Variants in PPL observed in about 807,000 individuals in gnomAD.
PPL encodes the protein 190 kDa paraneoplastic pemphigus antigen.
A neutral mutation model predicts 194.4 loss-of-function variants in PPL; 198 were observed. The ratio of observed to expected loss-of-function variants is 1.02; its 90% CI spans 0.91 to 1.15. The LOEUF (loss-of-function observed/expected upper bound fraction) is 1.15, where lower values mean the gene tolerates loss of function less well. PPL is among the 50% of genes most tolerant of loss of function. The pLI, the probability that PPL is intolerant of heterozygous loss-of-function variation, is 0.00. For missense variants in PPL, 2,885 were observed against 2,294.8 expected, an observed-to-expected ratio of 1.26 and a Z score of -5.25; for synonymous variants, 1,220 against 972.4, an observed-to-expected ratio of 1.25 and a Z score of -4.74.
At chr16:4,897,795 C>A in intron 8 of PPL, 25 bp from the exon 9 acceptor site, 2 of 1,591,218 alleles carry the variant, frequency 1.3e-6, no homozygotes, top group South Asian at 2.2e-5. Context: ...AGGGGCCGGT[C>A]ACCACTGGGC....
At chr16:4,922,716 G>T (rs1008560122) in intron 1 of PPL, among the ~76,000 whole-genome samples, 4 of 152,096 alleles carry the variant, frequency 2.6e-5, no homozygotes, top group Non-Finnish European at 5.9e-5. Flanking sequence ...AGAAGCCAAG[G>T]CCTGAAGTTA....
At chr16:4,910,484 C>A (rs976715241) in intron 2 of PPL, among the ~76,000 whole-genome samples, 1 of 152,050 alleles carries the variant, frequency 6.6e-6, no homozygotes, top group Non-Finnish European at 1.5e-5. Context: ...AGAGCCTGAC[C>A]CCATGGCACT....
intron 8 of PPL, among the ~76,000 whole-genome samples, chr16:4,897,988 C>T (rs987148497): frequency 3.3e-5 from 5 of 152,158 alleles, no homozygotes; most frequent in African/African-American, 9.7e-5. Flanking sequence ...ATACGGATGC[C>T]CAGGCTGTGC....
intron 2 of PPL, among the ~76,000 whole-genome samples, chr16:4,910,461 G>T (rs1307965456): frequency 6.6e-6 from 1 of 152,142 alleles, no homozygotes; most frequent in Non-Finnish European, 1.5e-5. Context: ...GGACAAGGCT[G>T]GGCTGTTTCC....
chr16:4,905,717 T>C (rs2088668246), intron 2 of PPL, among the ~76,000 whole-genome samples: 2 of 152,198 alleles, frequency 1.3e-5, no homozygotes, highest in East Asian at 1.9e-4. Flanking sequence ...GAAGAAAATG[T>C]GTCAAGAGTG....
chr16:4,911,091 G>A (rs911627924), intron 1 of PPL, 142 bp from the exon 2 acceptor site: 1 of 614,978 alleles, frequency 1.6e-6, no homozygotes, highest in Non-Finnish European at 2.9e-6. Context: ...TAGTTGGGCT[G>A]TTCCCATAGG....
intron 1 of PPL, among the ~76,000 whole-genome samples, chr16:4,922,420 G>T (rs1358223644): frequency 6.6e-6 from 1 of 152,188 alleles, no homozygotes; most frequent in African/African-American, 2.4e-5. Flanking sequence ...CCAGCACTTT[G>T]GGAGGCTGAG....
intron 2 of PPL, among the ~76,000 whole-genome samples, chr16:4,908,447 A>ACG (rs2088749158): frequency 8.1e-5 from 10 of 124,174 alleles, no homozygotes; most frequent in African/African-American, 2.7e-4. Context: ...TCTCTCTCTC[A>ACG]CACACATACA....
intron 19 of PPL, among the ~76,000 whole-genome samples, chr16:4,888,475 C>T (rs1399197877): frequency 1.3e-5 from 2 of 152,196 alleles, no homozygotes; most frequent in Non-Finnish European, 2.9e-5. Context: ...CCCCTCCCAG[C>T]CTTTCTACAT....
At position 4,905,169 on chromosome 16, in the gene PPL, T is replaced by C. The variant is rs554352708; in HGVS notation, c.163-1129A>G. On this transcript the variant is annotated intron_variant, in intron 2 of 21. Transcript: ENST00000345988. ...GCACTCAGAGCCGGCCGCCGGTCCC[T>C]TCCCCTAGCTGGGTCTCAGCATTCC... Among the ~76,000 whole-genome samples, 240 of 152,292 alleles carry C rather than the reference T, an allele frequency of 1.6e-3. 2 individuals carry two copies. The highest frequency in any genetic ancestry group is 1.5e-3 in the Non-Finnish European group (100 of 68,018).
chr16:4,914,061 G>C lies in PPL; in HGVS notation c.63-3112C>G, dbSNP rs561859927. ...TGGTCACTGAAGGCTTCCTGGAGGAGGTGGTGTCGGCTGGGTGCTAAAGCA... is the reference window on the plus strand; with the variant it reads ...TGGTCACTGAAGGCTTCCTGGAGGACGTGGTGTCGGCTGGGTGCTAAAGCA... On this transcript the variant is annotated intron_variant, in intron 1 of 21. Coordinates refer to ENST00000345988, the MANE Select transcript of PPL (RefSeq NM_002705.5). Among the ~76,000 whole-genome samples the C allele has an allele frequency of 8.5e-5, 13 of 152,342 alleles. No homozygotes were observed. In the South Asian group the frequency reaches 2.7e-3, roughly 32 times the overall value.
intron 2 of PPL, among the ~76,000 whole-genome samples, chr16:4,905,282 C>G (rs761302367): frequency 6.6e-6 from 1 of 152,154 alleles, no homozygotes; most frequent in African/African-American, 2.4e-5. Context: ...AACTACGGAC[C>G]GTGCTCCATC....
intron 1 of PPL, among the ~76,000 whole-genome samples, chr16:4,921,703 G>C (rs1169267889): frequency 6.6e-6 from 1 of 152,192 alleles, no homozygotes; most frequent in African/African-American, 2.4e-5. Flanking sequence ...CTGGCCTCAA[G>C]TGATCTGCCC....
At chr16:4,933,374 T>C (rs957664207) in intron 1 of PPL, among the ~76,000 whole-genome samples, 8 of 152,004 alleles carry the variant, frequency 5.3e-5, no homozygotes, top group African/African-American at 1.7e-4. Context: ...CAGGTCTGGG[T>C]GGAGGGGCAA....
rs1213452566 is a variant in PPL at position 4,884,243 on chromosome 16, T to A, written c.4412A>T (p.His1471Leu). 5.0e-6 allele frequency: 8 copies of A among 1,613,464 alleles called. No individual in the cohort carries two copies. Among genetic ancestry groups the A allele is most frequent in the Non-Finnish European group, 6.8e-6 (8 of 1,179,850 alleles). Residue 1471 changes from histidine (H) to leucine (L), a missense_variant, in exon 22 of 22, where the codon CAC becomes CTC. Transcript: ENST00000345988. This position sits in a 1 kb window ranked among gnomAD's most constrained non-coding sequence, Gnocchi z 5.7. ...LLRLQLEEEQ[H>L]RRQLLEGELE... is the part of the protein sequence containing the mutation. The stretch of plus-strand genomic sequence containing the variant: ...CTCCCCCTCCAGGAGCTGCCGCCGG[T>A]GCTGCTCTTCTTCCAGCTGGAGTCG...
intron 14 of PPL, 75 bp downstream of exon 14, chr16:4,893,138 A>C (rs990718631): frequency 5.3e-5 from 76 of 1,423,870 alleles, no homozygotes; most frequent in Middle Eastern, 2.6e-4. Context: ...CATGGGGAAA[A>C]GACCTCAAAT....
intron 6 of PPL, 37 bp downstream of exon 6, chr16:4,900,793 T>G: frequency 6.2e-7 from 1 of 1,613,722 alleles, no homozygotes; most frequent in South Asian, 1.1e-5. Flanking sequence ...CATCCTCTCC[T>G]CTCCCCATGA....
chr16:4,907,079 T>TAAAAAAAAAAA (rs57847738), intron 2 of PPL, among the ~76,000 whole-genome samples: 9 of 77,004 alleles, frequency 1.2e-4, no homozygotes, highest in African/African-American at 2.6e-4. Flanking sequence ...ACCCTATCTC[T>TAAAAAAAAAAA]AAAAAAAAAA....
At chr16:4,901,921 CAG>C (rs1334796615) in intron 4 of PPL, among the ~76,000 whole-genome samples, 1 of 150,568 alleles carries the variant, frequency 6.6e-6, no homozygotes, top group Non-Finnish European at 1.5e-5. Flanking sequence ...GTCTGCGCGA[CAG>C]AGTGAGACCT....
Sources: allele counts gnomAD v4.1 joint callset (sites outside exome capture counted in the v4.1 genomes callset), GRCh38; gene constraint gnomAD v4.1.1; non-coding constraint Gnocchi (gnomAD v3.1); transcripts MANE v1.5; gene names NCBI Gene and HGNC (gene_info 2026-07-23, HGNC 2026-07-21).